SPMIP2: variants seen among roughly 807,000 people sequenced by gnomAD.
The protein encoded by SPMIP2 is sperm microtubule inner protein 2.
the SPMIP2 span, among the ~76,000 whole-genome samples, chr4:159,011,964 G>C: frequency 4.6e-5 from 7 of 151,238 alleles, no homozygotes; most frequent in African/African-American, 1.5e-4. Context: ...GCTGAGGCAG[G>C]AGAATCACTT....
the SPMIP2 span, among the ~76,000 whole-genome samples, chr4:159,042,758 G>A: frequency 6.6e-6 from 1 of 152,132 alleles, no homozygotes; most frequent in Admixed American, 6.5e-5. Context: ...TGCCTTCTGG[G>A]TTCAAGTGAT....
the SPMIP2 span, among the ~76,000 whole-genome samples, chr4:159,036,780 C>A: frequency 6.6e-6 from 1 of 152,192 alleles, no homozygotes; most frequent in Non-Finnish European, 1.5e-5. Flanking sequence ...TTCTGACCTG[C>A]ATTATGCTCT....
chr4:158,923,376 T>A, the SPMIP2 span, among the ~76,000 whole-genome samples: 1 of 152,228 alleles, frequency 6.6e-6, no homozygotes. Context: ...TTAATGCATA[T>A]GTATTTCTAT....
the SPMIP2 span, among the ~76,000 whole-genome samples, chr4:159,071,935 A>G: frequency 3.9e-5 from 6 of 152,224 alleles, no homozygotes; most frequent in Non-Finnish European, 7.3e-5. Context: ...TAGGAACCTA[A>G]CTACCATTTT....
At chr4:158,898,888 G>A in the SPMIP2 span, among the ~76,000 whole-genome samples, 2 of 152,208 alleles carry the variant, frequency 1.3e-5, no homozygotes, top group Non-Finnish European at 2.9e-5. Context: ...AGTTGAATAG[G>A]AGTGGTGAGA....
At chr4:159,063,101 A>G in the SPMIP2 span, among the ~76,000 whole-genome samples, 1 of 152,200 alleles carries the variant, frequency 6.6e-6, no homozygotes, top group Admixed American at 6.5e-5. Context: ...TCACAATGAT[A>G]ATTACAGAAT....
At chr4:158,949,429 G>A in the SPMIP2 span, among the ~76,000 whole-genome samples, 12 of 152,198 alleles carry the variant, frequency 7.9e-5, no homozygotes, top group Admixed American at 7.2e-4. Context: ...CAATCCAGTG[G>A]AGTAGATTCT....
chr4:158,960,287 A>C, the SPMIP2 span: 9 of 1,534,474 alleles, frequency 5.9e-6, no homozygotes, highest in East Asian at 2.0e-4. Flanking sequence ...TTTGCTTACC[A>C]TGGGTTTTGA....
At chr4:158,947,292 G>T in the SPMIP2 span, among the ~76,000 whole-genome samples, 3 of 152,112 alleles carry the variant, frequency 2.0e-5, no homozygotes, top group African/African-American at 7.2e-5. Flanking sequence ...ATGCATTTAT[G>T]TACCAATATG....
At chr4:159,026,203 G>T in the SPMIP2 span, 3 of 472,360 alleles carry the variant, frequency 6.4e-6, no homozygotes, top group Non-Finnish European at 1.2e-5. Context: ...ACTAGGAGTG[G>T]GAATAGCTTT....
the SPMIP2 span, among the ~76,000 whole-genome samples, chr4:159,059,864 G>A: frequency 1.3e-5 from 2 of 152,218 alleles, no homozygotes; most frequent in Non-Finnish European, 2.9e-5. Flanking sequence ...GGATGCTCAG[G>A]GGACTGTGCT....
At chr4:159,051,970 C>T in the SPMIP2 span, among the ~76,000 whole-genome samples, 1 of 152,124 alleles carries the variant, frequency 6.6e-6, no homozygotes, top group Non-Finnish European at 1.5e-5. Context: ...CCTGCCCCCA[C>T]ACCCTCCAGC....
chr4:158,911,383 T>TAAATAAATAAATAAAA, the SPMIP2 span, among the ~76,000 whole-genome samples: 17 of 76,396 alleles, frequency 2.2e-4, no homozygotes, highest in African/African-American at 4.7e-4. Flanking sequence ...AATAAATAAA[T>TAAATAAATAAATAAAA]AAAATAAATA....
the SPMIP2 span, among the ~76,000 whole-genome samples, chr4:159,027,870 T>C: frequency 2.0e-5 from 3 of 152,286 alleles, no homozygotes; most frequent in Non-Finnish European, 4.4e-5. Context: ...CATCATATCG[T>C]TTTTTGGCCA....
chr4:158,998,240 T>G, the SPMIP2 span, among the ~76,000 whole-genome samples: 1 of 152,186 alleles, frequency 6.6e-6, no homozygotes, highest in Non-Finnish European at 1.5e-5. Flanking sequence ...CACTTTTAGC[T>G]GTATAAAAAA....
chr4:159,039,294 C>T, the SPMIP2 span, among the ~76,000 whole-genome samples: 1 of 152,182 alleles, frequency 6.6e-6, no homozygotes, highest in African/African-American at 2.4e-5. Flanking sequence ...AAATAGAAGA[C>T]ACCTGACTGT....
At chr4:158,995,123 G>T in the SPMIP2 span, among the ~76,000 whole-genome samples, 1 of 151,960 alleles carries the variant, frequency 6.6e-6, no homozygotes, top group Non-Finnish European at 1.5e-5. Flanking sequence ...TTGCTGTGTT[G>T]CCCAGACTGA....
chr4:158,893,721 T>G, the SPMIP2 span: 1 of 1,574,266 alleles, frequency 6.4e-7, no homozygotes, highest in Admixed American at 1.8e-5. Flanking sequence ...TCCTTTTCTG[T>G]AAGAGAAGTA....
chr4:158,899,397 T>C, the SPMIP2 span, among the ~76,000 whole-genome samples: 1 of 152,248 alleles, frequency 6.6e-6, no homozygotes, highest in East Asian at 1.9e-4. Flanking sequence ...TCCCTCTTTT[T>C]CTATTGTTTG....
Sources: gnomAD v4.1 joint callset for allele counts (sites outside exome capture counted in the v4.1 genomes callset) on GRCh38, gnomAD v4.1.1 for gene constraint, MANE v1.5 for transcripts, NCBI Gene and HGNC (gene_info 2026-07-23, HGNC 2026-07-21) for gene names.